PAH: variants seen among roughly 807,000 people sequenced by gnomAD.
PAH encodes the protein phenylalanine-4-hydroxylase.
In PAH, 64 loss-of-function variants were observed where a neutral mutation model predicts 62.0. The ratio of observed to expected loss-of-function variants is 1.03; its 90% CI spans 0.84 to 1.27. The LOEUF (loss-of-function observed/expected upper bound fraction) is 1.27. Among genes scored for constraint, PAH ranks in the 50% most tolerant of loss-of-function variants. PAH has a pLI of 0.00. For synonymous variants in PAH, 195 were observed against 196.2 expected (o/e 0.99, Z 0.05); for missense variants, 579 against 542.8 (o/e 1.07, Z -0.66).
chr12:102,893,103 T>A (rs1363916635), intron 3 of PAH, among the ~76,000 whole-genome samples: 11 of 152,176 alleles, frequency 7.2e-5, no homozygotes, highest in Admixed American at 7.2e-4. Context: ...ACTGCTCTTT[T>A]AAAAAGTCTA....
At chr12:102,898,348 A>G (rs1444669125) in intron 2 of PAH, among the ~76,000 whole-genome samples, 1 of 152,256 alleles carries the variant, frequency 6.6e-6, no homozygotes, top group Non-Finnish European at 1.5e-5. Context: ...GTCAGAAAGT[A>G]TGTGATTTCC....
At chr12:102,856,603 C>T (rs1007162776) in intron 5 of PAH, among the ~76,000 whole-genome samples, 37 of 152,276 alleles carry the variant, frequency 2.4e-4, no homozygotes, top group African/African-American at 8.2e-4. Flanking sequence ...AGACTGACAC[C>T]GCACACGGCC....
chr12:102,848,840 A>G (rs561951846), intron 8 of PAH, among the ~76,000 whole-genome samples: 13 of 147,698 alleles, frequency 8.8e-5, no homozygotes, highest in African/African-American at 3.0e-4. Context: ...ATACCAGGGC[A>G]CCGAAAGGCT....
intron 4 of PAH, among the ~76,000 whole-genome samples, chr12:102,871,922 C>CA (rs1168829038): frequency 1.0e-4 from 12 of 115,474 alleles, no homozygotes; most frequent in African/African-American, 1.9e-4. Context: ...AACTCTGCCT[C>CA]AAAAAAAAAA....
intron 8 of PAH, among the ~76,000 whole-genome samples, chr12:102,850,262 C>T (rs796930716): frequency 6.6e-5 from 10 of 152,318 alleles, no homozygotes; most frequent in Middle Eastern, 6.8e-3. Flanking sequence ...AAAAGTCCAA[C>T]GATCTTTGAA....
chr12:102,910,556 C>T lies in PAH; in HGVS notation c.168+2235G>A, dbSNP rs1370167125. 2.0e-5 allele frequency among the ~76,000 whole-genome samples: 3 copies of T among 151,988 alleles called. No individual in the cohort carries two copies. The East Asian group carries it at 5.8e-4, about 29-fold the overall frequency. On this transcript the variant is annotated intron_variant, in intron 2 of 12. Transcript: ENST00000553106. ...GGGCTAATTTTTTGTATTTTTAGTA[C>T]AGACGGGGTTTCACCATGTTAGCCA...
In PAH at chr12:102,855,186, A is replaced by T. The variant is rs1164279708; in HGVS notation, c.656T>A (p.Phe219Tyr). ...CAGCTGGGGAATGTTATCTTCATGG[A>T]AGCCACAGTACTTTTCAAGAAGTGG... ...IFPLLEKYCG[F>Y]HEDNIPQLED... Residue 219 changes from phenylalanine (F) to tyrosine (Y), a missense_variant, in exon 6 of 13, where the codon TTC becomes TAC. Phe to Tyr is a conservative substitution (Grantham distance 22). Coordinates refer to ENST00000553106, the MANE Select transcript of PAH (RefSeq NM_000277.3). The T allele has an allele frequency of 2.5e-6, 4 of 1,614,192 alleles. No homozygotes were observed. The highest frequency in any genetic ancestry group is 1.7e-5 in the Admixed American group (1 of 60,030).
intron 1 of PAH, among the ~76,000 whole-genome samples, chr12:102,940,772 T>A (rs1879259215): frequency 6.6e-6 from 1 of 152,100 alleles, no homozygotes; most frequent in South Asian, 2.1e-4. Context: ...CCACAAAAAT[T>A]TTCCCAATCT....
rs74503222 is a variant in PAH at position 102,852,912 on chromosome 12, G to A, written c.745C>T (p.Leu249Phe). The A allele has an allele frequency of 6.8e-5, 109 of 1,614,000 alleles. No individual in the cohort carries two copies. Among genetic ancestry groups the A allele is most frequent in the Non-Finnish European group, 8.3e-5 (98 of 1,180,028 alleles). ...CCACCCAAGAAATCCCGAGAGGAAAGCAGGCCAGCCACAGGTCGGAGGCGG... is the reference window on the plus strand; with the variant it reads ...CCACCCAAGAAATCCCGAGAGGAAAACAGGCCAGCCACAGGTCGGAGGCGG... ...GFRLRPVAGL[L>F]SSRDFLGGLA... The change falls in exon 7 of 13, where the codon CTT (leucine) becomes TTT (phenylalanine). Residue 249 changes from leucine to phenylalanine, a missense_variant. By Grantham distance (22) the Leu-to-Phe change is conservative (BLOSUM62 0). Transcript: ENST00000553106.
At chr12:102,877,885 A>C (rs1028849858) in intron 3 of PAH, among the ~76,000 whole-genome samples, 1 of 152,082 alleles carries the variant, frequency 6.6e-6, no homozygotes, top group Non-Finnish European at 1.5e-5. Flanking sequence ...GTACAGTTGC[A>C]TGTGATCTTG....
chr12:102,846,337 G>A (rs1874841625), intron 9 of PAH, among the ~76,000 whole-genome samples: 2 of 152,198 alleles, frequency 1.3e-5, no homozygotes, highest in Non-Finnish European at 2.9e-5. Flanking sequence ...CAGGCAATGT[G>A]GCTAGTGGCT....
intron 1 of PAH, among the ~76,000 whole-genome samples, chr12:102,927,520 T>C (rs1206206535): frequency 6.6e-6 from 1 of 152,092 alleles, no homozygotes; most frequent in African/African-American, 2.4e-5. Flanking sequence ...CAATGCTTAC[T>C]AGTATAATCA....
At chr12:102,895,809 C>T (rs1054303655) in intron 2 of PAH, among the ~76,000 whole-genome samples, 2 of 147,014 alleles carry the variant, frequency 1.4e-5, no homozygotes, top group South Asian at 2.1e-4. Flanking sequence ...GAGCCAAGAT[C>T]GCGCCACTGC....
At position 102,839,057 on chromosome 12, in the gene PAH, A is replaced by G. The variant is rs908354918; in HGVS notation, c.*118T>C. The G allele has an allele frequency of 1.2e-6, 1 of 845,134 alleles. No homozygotes were observed. The allele number at this position is 845,134 out of a possible 1,614,324, so 52.4% of individuals were successfully genotyped here. ...TATTTGTTGTTTCTCCATCTTGTAAAGGATTTAAGGCTGTTATTTCAAATT... is the reference window on the plus strand; with the variant it reads ...TATTTGTTGTTTCTCCATCTTGTAAGGGATTTAAGGCTGTTATTTCAAATT... On this transcript the variant is annotated 3_prime_UTR_variant, in exon 13 of 13. Coordinates refer to ENST00000553106, the MANE Select transcript of PAH (RefSeq NM_000277.3).
intron 8 of PAH, among the ~76,000 whole-genome samples, chr12:102,848,197 G>A (rs765987421): frequency 2.2e-5 from 2 of 92,252 alleles, no homozygotes; most frequent in Non-Finnish European, 4.3e-5. Flanking sequence ...AGGGGTTGAG[G>A]GTAGAGTAGG....
intron 4 of PAH, among the ~76,000 whole-genome samples, chr12:102,875,940 C>CAT (rs968480297): frequency 1.7e-4 from 9 of 54,312 alleles, no homozygotes; most frequent in South Asian, 2.1e-3. Context: ...TATATATATA[C>CAT]ATATATATAT....
chr12:102,868,155 CACATAT>C (rs1876133184), intron 4 of PAH, among the ~76,000 whole-genome samples: 1 of 2,598 alleles, frequency 3.8e-4, no homozygotes, highest in Admixed American at 6.3e-3. Flanking sequence ...TATATATATA[CACATAT>C]ATATACATAT....
chr12:102,879,528 G>C (rs1003789836), intron 3 of PAH, among the ~76,000 whole-genome samples: 26 of 150,786 alleles, frequency 1.7e-4, no homozygotes, highest in African/African-American at 5.1e-4. Flanking sequence ...TTTCTGCAGA[G>C]CTGAGGAACC....
Position 102,837,328 on chromosome 12 carries a change from A to T in PAH, c.*1847T>A, listed in dbSNP as rs2136629063. 6.6e-6 allele frequency: 1 copy of T among 152,346 alleles called. No homozygotes were observed. The highest frequency in any genetic ancestry group is 2.4e-5 in the African/African-American group (1 of 41,576). 9.4% of individuals were successfully genotyped at this position (152,346 alleles called of 1,614,324 possible). On this transcript the variant is annotated 3_prime_UTR_variant, in exon 13 of 13. Transcript: ENST00000553106. Reference sequence around the variant, plus strand: ...CATTAAAACATCTTTACTGGACTAAAACTCACTCTTCAATATTGTCAAAAA... The same window carrying T: ...CATTAAAACATCTTTACTGGACTAATACTCACTCTTCAATATTGTCAAAAA...
Sources: allele counts gnomAD v4.1 joint callset (sites outside exome capture counted in the v4.1 genomes callset), GRCh38; gene constraint gnomAD v4.1.1; transcripts MANE v1.5; gene names NCBI Gene and HGNC (gene_info 2026-07-23, HGNC 2026-07-21).